Variants in PDE6B observed in about 807,000 individuals in gnomAD.
The protein encoded by PDE6B is phosphodiesterase 6B.
In PDE6B, 106 loss-of-function variants were observed where a neutral mutation model predicts 109.0. That is an observed-to-expected ratio of 0.97 (90% confidence interval 0.83 to 1.14). The LOEUF (loss-of-function observed/expected upper bound fraction) is 1.14. PDE6B is among the 50% of genes most tolerant of loss of function. PDE6B has a pLI of 0.00. For synonymous variants in PDE6B, 490 were observed against 471.3 expected (o/e 1.04, Z -0.51); for missense variants, 1,193 against 1,155.6 (o/e 1.03, Z -0.47).
At chr4:637,263 GTT>G (rs991192639) in intron 3 of PDE6B, among the ~76,000 whole-genome samples, 35 of 150,234 alleles carry the variant, frequency 2.3e-4, no homozygotes, top group Admixed American at 2.3e-3. Context: ...TTTTTGTTTT[GTT>G]TTGTTTTTGA....
intron 9 of PDE6B, 122 bp from the exon 10 acceptor site, chr4:657,229 A>T: frequency 1.6e-6 from 2 of 1,244,870 alleles, no homozygotes; most frequent in Non-Finnish European, 2.3e-6. Flanking sequence ...ACACAGAAGC[A>T]CTGCGACACC....
In PDE6B at chr4:657,008, C is replaced by G. The variant is rs181236974; in HGVS notation, c.1242C>G (p.Asp414Glu). The change falls in exon 9 of 22, where the codon GAC becomes GAG. Residue 414 changes from aspartate (D) to glutamate (E), a missense_variant. Physicochemically the swap from Asp to Glu is conservative, Grantham distance 45. Coordinates refer to ENST00000496514, the MANE Select transcript of PDE6B (RefSeq NM_000283.4). ...RKDGKPFDEQ[D>E]EVLMESLTQF... ...ACGGGAAGCCCTTTGACGAACAGGA[C>G]GAGGTTCTCATGGAGGTAAGCACCT... 3.1e-6 allele frequency: 5 copies of G among 1,613,206 alleles called. No individual in the cohort carries two copies. In the East Asian group the frequency reaches 1.1e-4, roughly 36 times the overall value.
chr4:631,765 C>A (rs1476488272), intron 1 of PDE6B, among the ~76,000 whole-genome samples: 1 of 151,742 alleles, frequency 6.6e-6, no homozygotes, highest in Non-Finnish European at 1.5e-5. Flanking sequence ...GTGGCACCAT[C>A]TGAGGGTCAC....
At chr4:669,976 G>C (rs1281567654) in intron 21 of PDE6B, 70 bp from the exon 22 acceptor site, 2 of 1,306,716 alleles carry the variant, frequency 1.5e-6, no homozygotes, top group Non-Finnish European at 1.1e-6. Context: ...GGTCACACCA[G>C]GCAGGAGGGA....
In PDE6B at chr4:665,257, C is replaced by T. The variant is rs370954725; in HGVS notation, c.2196C>T (p.Val732=). 33 of 1,610,336 alleles carry T rather than the reference C, an allele frequency of 2.0e-5. No individual in the cohort carries two copies. The highest frequency in any genetic ancestry group is 5.3e-5 in the African/African-American group (4 of 74,962). ...ITKPWEVQSK[V]ALLVAAEFWE... is the part of the protein sequence containing the mutation. ...CAGCTGCCTTCCTGTGCCTCCAGGT[C>T]GCACTTCTCGTGGCTGCTGAGTTCT... is the stretch of plus-strand genomic sequence containing the variant. Residue 732 remains valine (V), a splice_region_variant and synonymous_variant, in exon 19 of 22, where the codon GTC becomes GTT. Transcript: ENST00000496514. The surrounding 1 kb of genome is among the most constrained non-coding windows in gnomAD (Gnocchi z 4.0).
At chr4:656,842 G>A (rs754068742) in intron 8 of PDE6B, 32 bp from the exon 9 acceptor site, 3 of 1,611,354 alleles carry the variant, frequency 1.9e-6, no homozygotes, top group Non-Finnish European at 1.7e-6. Flanking sequence ...CAGCCTCAGG[G>A]CGGAGCTCAG....
In PDE6B at chr4:633,736, G is replaced by A. The variant is rs545797257; in HGVS notation, c.469-941G>A. Among the ~76,000 whole-genome samples, 4 of 152,278 alleles carry A rather than the reference G, an allele frequency of 2.6e-5. No homozygotes were observed. The highest frequency in any genetic ancestry group is 1.9e-4 in the East Asian group (1 of 5,184). ...TCCTGACCCCAGCAGGGCTGACTCC[G>A]GAGCCGTCCACCTGGGTCACTGCCC... On this transcript the variant is annotated intron_variant, in intron 1 of 21. Transcript: ENST00000496514. The surrounding 1 kb of genome is among the most constrained non-coding windows in gnomAD (Gnocchi z 4.5).
intron 20 of PDE6B, among the ~76,000 whole-genome samples, chr4:667,461 C>T (rs957881869): frequency 2.0e-5 from 3 of 152,314 alleles, no homozygotes; most frequent in East Asian, 3.9e-4. Context: ...CGAGTGCACG[C>T]GTGTGCTGTG....
rs148464123 is a variant in PDE6B, at chr4:654,003, C to T, written c.852+11C>T. ...ATGACCAAGGAGAAGGTGAGGCTTC[C>T]GTGGCTCAGGGACCCCCTGCCTGGC... is the stretch of plus-strand genomic sequence containing the variant. On this transcript the variant is annotated intron_variant, in intron 4 of 21. Transcript: ENST00000496514. 927 of 1,613,766 alleles carry T rather than the reference C, an allele frequency of 5.7e-4. 6 individuals are homozygous for T. The African/African-American group carries it at 0.01, about 18-fold the overall frequency.
rs957905572 is a variant in PDE6B, at chr4:634,937, C to T, written c.621+108C>T. On this transcript the variant is annotated intron_variant, in intron 2 of 21. Transcript: ENST00000496514. ...CCTCTTTACCTGCCTGCCCGCCTGC[C>T]CGTGTGTTCTCTGCTGCGTGTCTGC... 4.4e-6 allele frequency: 4 copies of T among 902,040 alleles called. No individual in the cohort carries two copies. The Admixed American group carries it at 5.6e-5, about 13-fold the overall frequency. 55.9% of individuals were successfully genotyped at this position (902,040 alleles called of 1,614,324 possible). A position where few individuals can be genotyped will look rare whatever the true frequency, so the allele number is the denominator to read the frequency against.
rs886059545 is a variant in PDE6B, at chr4:664,183, G to A, written c.2091G>A (p.Glu697=). 6 of 1,610,982 alleles carry A rather than the reference G, an allele frequency of 3.7e-6. No homozygotes were observed. The highest frequency in any genetic ancestry group is 5.1e-6 in the Non-Finnish European group (6 of 1,177,566). ...KNYQDKKSWV[E]YLSLETTRKE... is the part of the protein sequence containing the mutation. ...ACCAGGACAAGAAGAGCTGGGTGGA[G>A]TACCTGTCCCTGGAGACGACCCGGA... Residue 697 remains glutamate, a synonymous_variant, in exon 17 of 22, where the codon GAG becomes GAA. Coordinates refer to ENST00000496514, the MANE Select transcript of PDE6B (RefSeq NM_000283.4).
intron 20 of PDE6B, 43 bp from the exon 21 acceptor site, chr4:667,813 G>C (rs138737461): frequency 6.3e-7 from 1 of 1,599,600 alleles, no homozygotes; most frequent in South Asian, 1.1e-5. Flanking sequence ...TCTGGAGAGA[G>C]CAGGCAGGAC....
chr4:656,407 T>TG, intron 8 of PDE6B, 115 bp downstream of exon 8: 1 of 791,454 alleles, frequency 1.3e-6, no homozygotes, highest in Non-Finnish European at 2.3e-6. Context: ...CAGCCAGGCA[T>TG]GGTGGCTCAC....
chr4:656,746 A>G, intron 8 of PDE6B, 128 bp from the exon 9 acceptor site: 1 of 782,142 alleles, frequency 1.3e-6, no homozygotes, highest in Non-Finnish European at 2.2e-6. Flanking sequence ...TGCAGAGAGC[A>G]GAGACAGGAA....
intron 18 of PDE6B, 50 bp downstream of exon 18, chr4:664,994 G>A (rs778362152): frequency 7.0e-7 from 1 of 1,431,276 alleles, no homozygotes; most frequent in Non-Finnish European, 9.9e-7. Flanking sequence ...CTCAGCACAT[G>A]GGACTGCCGG....
At chr4:659,461 G>A (rs1195768885) in intron 11 of PDE6B, among the ~76,000 whole-genome samples, 4 of 152,292 alleles carry the variant, frequency 2.6e-5, no homozygotes, top group South Asian at 2.1e-4. Flanking sequence ...CTGTGTGCAT[G>A]TGTGTGCACA....
Position 670,162 on chromosome 4 carries a change from G to A in PDE6B, c.*55G>A, listed in dbSNP as rs1488231696. 6.2e-7 allele frequency: 1 copy of A among 1,611,560 alleles called. No homozygotes were observed. Among genetic ancestry groups the A allele is most frequent in the South Asian group, 1.1e-5 (1 of 91,030 alleles). On this transcript the variant is annotated 3_prime_UTR_variant, in exon 22 of 22. Coordinates refer to ENST00000496514, the MANE Select transcript of PDE6B (RefSeq NM_000283.4). ...CCTCAATCTTCACCCACTAGGATTT[G>A]GGTTCTGCCTGTGGCTATTTGCTAC...
intron 3 of PDE6B, among the ~76,000 whole-genome samples, chr4:637,930 G>A (rs968541080): frequency 4.6e-5 from 7 of 152,172 alleles, no homozygotes; most frequent in African/African-American, 9.7e-5. Flanking sequence ...TGATACCAGC[G>A]CAGGGGAATA....
In PDE6B at chr4:633,740, C is replaced by T. The variant is rs950066638; in HGVS notation, c.469-937C>T. Among the ~76,000 whole-genome samples, 6 of 152,172 alleles carry T rather than the reference C, an allele frequency of 3.9e-5. No homozygotes were observed. The highest frequency in any genetic ancestry group is 7.4e-5 in the Non-Finnish European group (5 of 68,016). On this transcript the variant is annotated intron_variant, in intron 1 of 21. Transcript: ENST00000496514. The surrounding 1 kb of genome is among the most constrained non-coding windows in gnomAD (Gnocchi z 4.5). ...GACCCCAGCAGGGCTGACTCCGGAG[C>T]CGTCCACCTGGGTCACTGCCCCAGG...
Sources: gnomAD v4.1 joint callset for allele counts (sites outside exome capture counted in the v4.1 genomes callset) on GRCh38, gnomAD v4.1.1 for gene constraint, Gnocchi (gnomAD v3.1) non-coding constraint, MANE v1.5 for transcripts, NCBI Gene and HGNC (gene_info 2026-07-23, HGNC 2026-07-21) for gene names.